Variants in SLC9A9 observed in about 807,000 individuals in gnomAD.
SLC9A9 encodes the protein solute carrier family 9 member A9.
SLC9A9 carries 62 observed loss-of-function variants against 77.8 expected under a neutral mutation model. The observed-to-expected ratio is 0.80, with a 90% confidence interval of 0.65 to 0.98. The LOEUF (loss-of-function observed/expected upper bound fraction) is 0.98, where lower values mean the gene tolerates loss of function less well. Among genes scored for constraint, SLC9A9 ranks in the 50% least tolerant of loss-of-function variants. SLC9A9 has a pLI of 0.00. For synonymous variants in SLC9A9, 320 were observed against 283.5 expected (o/e 1.13, Z -1.29); for missense variants, 775 against 774.9 (o/e 1.00, Z 0.00).
At position 143,676,908 on chromosome 3, in the gene SLC9A9, C is replaced by G. The variant is rs113700894; in HGVS notation, c.649+16284G>C. ...CTTTTACTACTTGTGAGTTGTAAAT[C>G]TGAACTCCCACATGGGGAGGGTTGT... On this transcript the variant is annotated intron_variant, in intron 5 of 15. Coordinates refer to ENST00000316549, the MANE Select transcript of SLC9A9 (RefSeq NM_173653.4). 5.1e-3 allele frequency among the ~76,000 whole-genome samples: 771 copies of G among 152,272 alleles called. 8 individuals are homozygous for G. The highest frequency in any genetic ancestry group is 0.017 in the African/African-American group (726 of 41,542).
chr3:143,470,194 C>T (rs2035354157), intron 11 of SLC9A9, among the ~76,000 whole-genome samples: 1 of 151,968 alleles, frequency 6.6e-6, no homozygotes, highest in African/African-American at 2.4e-5. Flanking sequence ...AACTTTCCGG[C>T]TGGGGGAGGG....
chr3:143,845,490 C>T (rs2009812983), intron 1 of SLC9A9, among the ~76,000 whole-genome samples: 1 of 152,142 alleles, frequency 6.6e-6, no homozygotes, highest in South Asian at 2.1e-4. Context: ...TCATGAATGC[C>T]ACCCATATGG....
At chr3:143,509,614 C>T (rs2036081275) in intron 9 of SLC9A9, among the ~76,000 whole-genome samples, 1 of 152,186 alleles carries the variant, frequency 6.6e-6, no homozygotes, top group East Asian at 1.9e-4. Context: ...ATGCATAAAA[C>T]AGCTCTGAAT....
At chr3:143,413,115 G>A (rs1049751685) in intron 12 of SLC9A9, among the ~76,000 whole-genome samples, 2 of 152,146 alleles carry the variant, frequency 1.3e-5, no homozygotes, top group South Asian at 2.1e-4. Flanking sequence ...AGAGAGCAAC[G>A]GGGTGTGGAA....
intron 1 of SLC9A9, among the ~76,000 whole-genome samples, chr3:143,839,565 T>C (rs1046594740): frequency 1.3e-5 from 2 of 151,996 alleles, no homozygotes; most frequent in Non-Finnish European, 2.9e-5. Context: ...ATAGCACATA[T>C]GTAAACATAC....
chr3:143,418,286 ATG>A (rs2034233925), intron 12 of SLC9A9, among the ~76,000 whole-genome samples: 1 of 151,460 alleles, frequency 6.6e-6, no homozygotes, highest in Non-Finnish European at 1.5e-5. Flanking sequence ...CTTATTTGTA[ATG>A]TGGGGACAGT....
At chr3:143,756,159 T>C (rs986712786) in intron 4 of SLC9A9, among the ~76,000 whole-genome samples, 1 of 152,174 alleles carries the variant, frequency 6.6e-6, no homozygotes, top group Admixed American at 6.5e-5. Context: ...CTTTCATCCA[T>C]AGACTGTCTC....
At chr3:143,425,245 G>A (rs1043197708) in intron 12 of SLC9A9, among the ~76,000 whole-genome samples, 4 of 148,450 alleles carry the variant, frequency 2.7e-5, no homozygotes, top group Non-Finnish European at 5.9e-5. Context: ...GTTTTGATGT[G>A]GGGACCAATG....
intron 4 of SLC9A9, among the ~76,000 whole-genome samples, chr3:143,756,685 T>C (rs558864843): frequency 2.0e-5 from 3 of 152,338 alleles, no homozygotes; most frequent in Middle Eastern, 3.4e-3. Flanking sequence ...AAAGTATTAA[T>C]AGGAATAGTC....
intron 2 of SLC9A9, among the ~76,000 whole-genome samples, chr3:143,829,121 G>T (rs1202106790): frequency 6.6e-6 from 1 of 152,144 alleles, no homozygotes; most frequent in Non-Finnish European, 1.5e-5. Context: ...TCTATGAAAT[G>T]ATGAGGTTCA....
chr3:143,700,964 C>T (rs985392257), intron 4 of SLC9A9, among the ~76,000 whole-genome samples: 1 of 152,222 alleles, frequency 6.6e-6, no homozygotes, highest in African/African-American at 2.4e-5. Flanking sequence ...CAGAGCAAGG[C>T]TCCATTTGTT....
At chr3:143,519,519 G>A (rs2036260869) in intron 9 of SLC9A9, among the ~76,000 whole-genome samples, 1 of 152,156 alleles carries the variant, frequency 6.6e-6, no homozygotes, top group South Asian at 2.1e-4. Flanking sequence ...GATGATTCTG[G>A]CTTTTAGTTT....
chr3:143,347,575 G>A (rs2032325157), intron 14 of SLC9A9, among the ~76,000 whole-genome samples: 1 of 152,128 alleles, frequency 6.6e-6, no homozygotes, highest in African/African-American at 2.4e-5. Flanking sequence ...CCCGGATAGG[G>A]GAATCCTGTG....
intron 9 of SLC9A9, among the ~76,000 whole-genome samples, chr3:143,525,721 TAAATGTATGCGTA>T (rs2036392504): frequency 2.0e-5 from 3 of 152,202 alleles, no homozygotes; most frequent in Admixed American, 6.5e-5. Flanking sequence ...GAATCTGATT[TAAATGTATGCGTA>T]AACAGGAAAG....
chr3:143,777,805 C>G lies in SLC9A9; in HGVS notation c.533+17196G>C, dbSNP rs557882422. ...TCTCTGCTCACTGCAACCTCAGCCT[C>G]CCGGGTTCAAGCAATTCTCCTGTCT... On this transcript the variant is annotated intron_variant, in intron 4 of 15. Transcript: ENST00000316549. Among the ~76,000 whole-genome samples, 12 of 150,786 alleles carry G rather than the reference C, an allele frequency of 8.0e-5. No individual in the cohort carries two copies. The East Asian group carries it at 2.1e-3, about 27-fold the overall frequency.
At chr3:143,719,661 G>A (rs945737399) in intron 4 of SLC9A9, among the ~76,000 whole-genome samples, 3 of 152,240 alleles carry the variant, frequency 2.0e-5, no homozygotes, top group African/African-American at 4.8e-5. Context: ...GCATGTAACA[G>A]GTGCCGAACA....
chr3:143,277,920 C>T (rs999201739), intron 14 of SLC9A9, among the ~76,000 whole-genome samples: 2 of 152,214 alleles, frequency 1.3e-5, no homozygotes, highest in African/African-American at 2.4e-5. Flanking sequence ...CCAACACTGA[C>T]TGGATGTAGT....
chr3:143,663,328 C>G (rs2039010397), intron 5 of SLC9A9, among the ~76,000 whole-genome samples: 1 of 152,140 alleles, frequency 6.6e-6, no homozygotes, highest in Admixed American at 6.5e-5. Flanking sequence ...CATCAAAGAC[C>G]AAACATAGAT....
intron 8 of SLC9A9, among the ~76,000 whole-genome samples, chr3:143,568,171 C>A (rs2037201075): frequency 1.3e-5 from 2 of 152,092 alleles, no homozygotes; most frequent in African/African-American, 4.8e-5. Flanking sequence ...AATAGAGGGT[C>A]TCAATAGGGC....
Sources: allele counts gnomAD v4.1 joint callset (sites outside exome capture counted in the v4.1 genomes callset), GRCh38; gene constraint gnomAD v4.1.1; transcripts MANE v1.5; gene names NCBI Gene and HGNC (gene_info 2026-07-23, HGNC 2026-07-21).